MED13L: variants seen among roughly 807,000 people sequenced by gnomAD.
The protein encoded by MED13L is mediator complex subunit 13L, also known as mediator of RNA polymerase II transcription subunit 13-like.
MED13L carries 7 observed loss-of-function variants against 220.9 expected under a neutral mutation model. The observed-to-expected ratio is 0.03, with a 90% confidence interval of 0.02 to 0.06. The LOEUF (loss-of-function observed/expected upper bound fraction) is 0.06, where lower values mean the gene tolerates loss of function less well. MED13L is among the 10% of genes least tolerant of loss of function. The probability of loss-of-function intolerance (pLI) is 1.00; values close to 1 mark genes in which losing one functional copy is unlikely to be tolerated. For synonymous variants in MED13L, 1,011 were observed against 1,015.2 expected (o/e 1.00, Z 0.08); for missense variants, 1,965 against 2,760.5 (o/e 0.71, Z 6.46).
chr12:116,115,184 C>A (rs1593061365), intron 2 of MED13L, among the ~76,000 whole-genome samples: 1 of 152,066 alleles, frequency 6.6e-6, no homozygotes, highest in Non-Finnish European at 1.5e-5. Context: ...ATAGAGCAAG[C>A]AAGCCAGCAC....
At chr12:115,973,949 C>T (rs925018732) in intron 25 of MED13L, among the ~76,000 whole-genome samples, 1 of 152,030 alleles carries the variant, frequency 6.6e-6, no homozygotes, top group Admixed American at 6.6e-5. Context: ...TTGTAGGAAG[C>T]GAGGTACACT....
In MED13L at chr12:115,967,170, C is replaced by CAAAAA. The variant is rs34377158; in HGVS notation, c.6226-932_6226-928dup. Among the ~76,000 whole-genome samples the CAAAAA allele has an allele frequency of 6.4e-3, 287 of 45,186 alleles. 19 individuals carry two copies. Among genetic ancestry groups the CAAAAA allele is most frequent in the Middle Eastern group, 0.013 (1 of 80 alleles). 29.6% of individuals were successfully genotyped at this position (45,186 alleles called of 152,430 possible). On this transcript the variant is annotated intron_variant, in intron 28 of 30. Coordinates refer to ENST00000281928, the MANE Select transcript of MED13L (RefSeq NM_015335.5). ...TGAGCAACAGAGTGAGACTCTGTCT[C>CAAAAA]AAAAAAAAAAAAAAAAAAAAAAAAA...
chr12:116,077,350 G>A (rs967662711), intron 4 of MED13L, among the ~76,000 whole-genome samples: 2 of 152,052 alleles, frequency 1.3e-5, no homozygotes, highest in African/African-American at 4.8e-5. Context: ...TTTTCTTTGT[G>A]AAAAACTACT....
rs188450270 is a variant in MED13L at position 116,025,896 on chromosome 12, T to C, written c.480-3295A>G. On this transcript the variant is annotated intron_variant, in intron 4 of 30. Coordinates refer to ENST00000281928, the MANE Select transcript of MED13L (RefSeq NM_015335.5). ...GAAAAATGATAAATGTTTGAGGTTATGGATTTGTTAATTACCCTGATTTGA... is the reference window on the plus strand; with the variant it reads ...GAAAAATGATAAATGTTTGAGGTTACGGATTTGTTAATTACCCTGATTTGA... Among the ~76,000 whole-genome samples, 15 of 152,336 alleles carry C rather than the reference T, an allele frequency of 9.8e-5. 1 individual carries two copies. The highest frequency in any genetic ancestry group is 7.8e-4 in the Admixed American group (12 of 15,300).
chr12:116,122,555 G>A (rs1427176203), intron 2 of MED13L, among the ~76,000 whole-genome samples: 6 of 152,056 alleles, frequency 3.9e-5, no homozygotes, highest in South Asian at 2.1e-4. Context: ...TAACCTTCCC[G>A]ATGTCAATTC....
At chr12:116,183,846 A>G (rs199854789) in intron 2 of MED13L, among the ~76,000 whole-genome samples, 2 of 82,076 alleles carry the variant, frequency 2.4e-5, no homozygotes. Context: ...GTGTGTGTAA[A>G]ATGAGATTTT....
At chr12:116,070,485 A>C (rs1329500040) in intron 4 of MED13L, among the ~76,000 whole-genome samples, 1 of 152,194 alleles carries the variant, frequency 6.6e-6, no homozygotes, top group Non-Finnish European at 1.5e-5. Flanking sequence ...TAAAACAGAG[A>C]GGTTAAATAA....
In MED13L at chr12:116,221,736, T is replaced by C. The variant is rs1868456872; in HGVS notation, c.310+15732A>G. Among the ~76,000 whole-genome samples the C allele has an allele frequency of 2.0e-5, 3 of 152,234 alleles. 1 individual carries two copies. The highest frequency in any genetic ancestry group is 2.0e-4 in the Admixed American group (3 of 15,276). On this transcript the variant is annotated intron_variant, in intron 2 of 30. Transcript: ENST00000281928. Reference sequence around the variant, plus strand: ...GGAACAATAATCTTTGTTAATCAAATACTCTTGCTTATTCTATGTGATACT... The same window carrying C: ...GGAACAATAATCTTTGTTAATCAAACACTCTTGCTTATTCTATGTGATACT...
At chr12:116,187,399 G>C (rs1880967783) in intron 2 of MED13L, among the ~76,000 whole-genome samples, 1 of 152,108 alleles carries the variant, frequency 6.6e-6, no homozygotes, top group Admixed American at 6.6e-5. Flanking sequence ...AACAAAGCCT[G>C]ACACACAAAT....
At chr12:116,207,676 G>A (rs1360992086) in intron 2 of MED13L, among the ~76,000 whole-genome samples, 1 of 151,886 alleles carries the variant, frequency 6.6e-6, no homozygotes, top group Non-Finnish European at 1.5e-5. Flanking sequence ...ATGGGAAAAA[G>A]AAGATACAGA....
At chr12:116,144,578 C>T (rs1565898557) in intron 2 of MED13L, among the ~76,000 whole-genome samples, 1 of 152,190 alleles carries the variant, frequency 6.6e-6, no homozygotes, top group Non-Finnish European at 1.5e-5. Context: ...CAACTAATAG[C>T]TGACCTACTG....
intron 2 of MED13L, among the ~76,000 whole-genome samples, chr12:116,127,279 A>G (rs963519034): frequency 1.3e-5 from 2 of 152,130 alleles, no homozygotes; most frequent in African/African-American, 4.8e-5. Flanking sequence ...TTTGTTTGTT[A>G]TAACTCATAA....
intron 2 of MED13L, among the ~76,000 whole-genome samples, chr12:116,218,942 C>A (rs1883159703): frequency 6.6e-6 from 1 of 152,082 alleles, no homozygotes; most frequent in South Asian, 2.1e-4. Flanking sequence ...CACCATATTG[C>A]CCAGGCTGGT....
chr12:116,180,849 A>G (rs971722388), intron 2 of MED13L, among the ~76,000 whole-genome samples: 3 of 152,172 alleles, frequency 2.0e-5, no homozygotes, highest in Admixed American at 1.3e-4. Flanking sequence ...AAGTTGTAAC[A>G]GTTCTTCCTT....
chr12:115,974,621 C>T (rs1876809303), intron 25 of MED13L, among the ~76,000 whole-genome samples: 2 of 152,154 alleles, frequency 1.3e-5, no homozygotes, highest in African/African-American at 2.4e-5. Flanking sequence ...GACTGAACTT[C>T]AAAAATCTGC....
chr12:115,980,196 G>C (rs1877226951), intron 23 of MED13L, among the ~76,000 whole-genome samples: 3 of 151,962 alleles, frequency 2.0e-5, no homozygotes, highest in East Asian at 1.9e-4. Context: ...AACTAAAAGG[G>C]ATACATTTAT....
intron 2 of MED13L, among the ~76,000 whole-genome samples, chr12:116,230,862 A>T (rs1401079278): frequency 1.3e-5 from 2 of 152,234 alleles, no homozygotes; most frequent in Admixed American, 1.3e-4. Flanking sequence ...AAATCAATTG[A>T]AAGTTCACAG....
At chr12:116,054,316 C>A (rs1868767918) in intron 4 of MED13L, among the ~76,000 whole-genome samples, 1 of 152,092 alleles carries the variant, frequency 6.6e-6, no homozygotes, top group African/African-American at 2.4e-5. Flanking sequence ...AATATCATAT[C>A]CCACACATCA....
At chr12:116,030,508 A>G (rs1880673831) in intron 4 of MED13L, among the ~76,000 whole-genome samples, 1 of 152,228 alleles carries the variant, frequency 6.6e-6, no homozygotes, top group Non-Finnish European at 1.5e-5. Context: ...GAGTAAACAC[A>G]ATAAAACGGA....
Sources: allele counts gnomAD v4.1 joint callset (sites outside exome capture counted in the v4.1 genomes callset), GRCh38; gene constraint gnomAD v4.1.1; transcripts MANE v1.5; gene names NCBI Gene and HGNC (gene_info 2026-07-23, HGNC 2026-07-21).